The following DRC11L variants were observed in gnomAD, a reference collection of about 807,000 sequenced individuals.
DRC11L encodes the protein dynein regulatory complex subunit 11 like.
At chr7:151,193,451 G>C in the DRC11L span, 12 of 399,240 alleles carry the variant, frequency 3.0e-5, no homozygotes, top group Middle Eastern at 6.2e-4. Context: ...CAGGAGGATG[G>C]AGCGGATGAG....
the DRC11L span, chr7:151,193,398 C>T: frequency 2.5e-6 from 1 of 399,444 alleles, no homozygotes; most frequent in Non-Finnish European, 4.4e-6. Flanking sequence ...TCTGTGCACA[C>T]TGCCTTGACC....
At chr7:151,191,180 C>G in the DRC11L span, 14,533 of 399,538 alleles carry the variant, frequency 0.036, 801 homozygotes, top group African/African-American at 0.17. Flanking sequence ...GCAGCCTCTT[C>G]TCCTCTCCTC....
chr7:151,194,900 C>T, the DRC11L span, among the ~76,000 whole-genome samples: 1 of 152,230 alleles, frequency 6.6e-6, no homozygotes, highest in Non-Finnish European at 1.5e-5. Flanking sequence ...AAAGGTCCAC[C>T]ATTAGAAATC....
chr7:151,197,846 G>A, the DRC11L span: 1 of 399,352 alleles, frequency 2.5e-6, no homozygotes. Flanking sequence ...TGTCTGCAAA[G>A]ATTGAGTAGG....
the DRC11L span, among the ~76,000 whole-genome samples, chr7:151,197,612 A>C: frequency 1.3e-5 from 2 of 152,172 alleles, no homozygotes; most frequent in East Asian, 1.9e-4. Context: ...GTCTACCCAG[A>C]CATCCTTCCT....
chr7:151,197,754 C>A, the DRC11L span: 2 of 396,046 alleles, frequency 5.0e-6, no homozygotes, highest in Admixed American at 4.4e-5. Flanking sequence ...CCACCCCACT[C>A]GCTATTCTCT....
At chr7:151,198,342 A>T in the DRC11L span, among the ~76,000 whole-genome samples, 1 of 152,032 alleles carries the variant, frequency 6.6e-6, no homozygotes, top group East Asian at 1.9e-4. Flanking sequence ...AGATGGACAG[A>T]TGGAAGGATA....
At chr7:151,204,579 T>TCCAGCACG in the DRC11L span, 1 of 399,068 alleles carries the variant, frequency 2.5e-6, no homozygotes. Context: ...GCGCACCAGC[T>TCCAGCACG]CGTCCTTGAG....
chr7:151,202,810 G>C, the DRC11L span: 26 of 398,270 alleles, frequency 6.5e-5, no homozygotes, highest in Non-Finnish European at 9.3e-5. Flanking sequence ...GAAATCTACA[G>C]AATCCAAGCA....
the DRC11L span, among the ~76,000 whole-genome samples, chr7:151,199,875 GA>G: frequency 2.6e-5 from 4 of 152,198 alleles, no homozygotes; most frequent in African/African-American, 9.6e-5. The surrounding 1 kb of genome is among the most constrained non-coding windows in gnomAD (Gnocchi z 5.2). Flanking sequence ...GAGAACAGGG[GA>G]TAGACAGATT....
At chr7:151,193,337 T>G in the DRC11L span, 8 of 399,696 alleles carry the variant, frequency 2.0e-5, no homozygotes, top group East Asian at 2.5e-4. Flanking sequence ...CCTGCCAGGA[T>G]ATTTGCCCAG....
chr7:151,195,573 G>A, the DRC11L span: 1 of 392,314 alleles, frequency 2.5e-6, no homozygotes, highest in Non-Finnish European at 4.5e-6. Context: ...CCCTCATCTT[G>A]CCTTTGGAGC....
At chr7:151,192,597 C>G in the DRC11L span, 1 of 398,410 alleles carries the variant, frequency 2.5e-6, no homozygotes. Context: ...TGCTTTGAGA[C>G]AAGGAAACTA....
the DRC11L span, among the ~76,000 whole-genome samples, chr7:151,199,558 TG>T: frequency 6.6e-6 from 1 of 152,088 alleles, no homozygotes; most frequent in Non-Finnish European, 1.5e-5. This position sits in a 1 kb window ranked among gnomAD's most constrained non-coding sequence, Gnocchi z 5.2. Flanking sequence ...TCCAGCCCTC[TG>T]GCCCCCCAAC....
the DRC11L span, chr7:151,199,153 G>T: frequency 2.5e-6 from 1 of 397,506 alleles, no homozygotes; most frequent in Non-Finnish European, 4.4e-6. This position sits in a 1 kb window ranked among gnomAD's most constrained non-coding sequence, Gnocchi z 5.2. Flanking sequence ...ACACCCACAC[G>T]GAACAACGGG....
chr7:151,202,988 C>A, the DRC11L span: 1 of 399,898 alleles, frequency 2.5e-6, no homozygotes, highest in East Asian at 3.6e-5. Flanking sequence ...TCCTGCTCCT[C>A]ATCTCTTCGA....
the DRC11L span, chr7:151,195,361 C>T: frequency 2.3e-4 from 90 of 398,848 alleles, 1 homozygote; most frequent in East Asian, 3.1e-3. Flanking sequence ...GACCTGCAGT[C>T]AGGTCCCTGG....
At chr7:151,191,198 T>A in the DRC11L span, 4 of 399,114 alleles carry the variant, frequency 1.0e-5, no homozygotes, top group Non-Finnish European at 1.8e-5. Flanking sequence ...CTCCTGGGTT[T>A]GGGGGTCCTA....
the DRC11L span, chr7:151,199,046 G>A: frequency 2.5e-6 from 1 of 398,786 alleles, no homozygotes; most frequent in Non-Finnish European, 4.4e-6. The surrounding 1 kb of genome is among the most constrained non-coding windows in gnomAD (Gnocchi z 5.2). Flanking sequence ...GGAGTGGGAG[G>A]AACCAGCAAC....
Sources: allele counts gnomAD v4.1 joint callset (sites outside exome capture counted in the v4.1 genomes callset), GRCh38; gene constraint gnomAD v4.1.1; non-coding constraint Gnocchi (gnomAD v3.1); transcripts MANE v1.5; gene names NCBI Gene and HGNC (gene_info 2026-07-23, HGNC 2026-07-21).